CKAP5: variants seen among roughly 807,000 people sequenced by gnomAD.
CKAP5 encodes cytoskeleton associated protein 5.
In CKAP5, 27 loss-of-function variants were observed where a neutral mutation model predicts 232.8. That is an observed-to-expected ratio of 0.12 (90% CI 0.09 to 0.16). CKAP5 has a LOEUF of 0.16. CKAP5 is among the 10% of genes least tolerant of loss of function. CKAP5 has a pLI of 1.00. For missense variants in CKAP5, 1,838 were observed against 2,424.7 expected, an observed-to-expected ratio of 0.76 and a Z score of 5.08; for synonymous variants, 785 against 841.1, an observed-to-expected ratio of 0.93 and a Z score of 1.16.
intron 18 of CKAP5, chr11:46,783,053 T>G (rs1409108010): frequency 3.3e-6 from 1 of 300,380 alleles, no homozygotes; most frequent in Non-Finnish European, 6.1e-6. Flanking sequence ...TATTAATGCT[T>G]AAGGAAAAAT....
chr11:46,845,870 C>A (rs1469293696), intron 1 of CKAP5, among the ~76,000 whole-genome samples: 1 of 152,174 alleles, frequency 6.6e-6, no homozygotes, highest in African/African-American at 2.4e-5. Context: ...TCTAGCAGGG[C>A]CGGCTCTCGG....
At chr11:46,815,576 C>T (rs1002496985) in intron 4 of CKAP5, among the ~76,000 whole-genome samples, 7 of 152,178 alleles carry the variant, frequency 4.6e-5, no homozygotes, top group Admixed American at 4.6e-4. Context: ...GGATTACAGG[C>T]ATGAGCCACT....
chr11:46,843,468 C>A (rs1029577443), intron 1 of CKAP5, among the ~76,000 whole-genome samples: 1 of 150,920 alleles, frequency 6.6e-6, no homozygotes, highest in African/African-American at 2.4e-5. Flanking sequence ...TAGTGGTTCA[C>A]GCCTGTAATC....
chr11:46,780,571 G>T, intron 18 of CKAP5, 86 bp from the exon 19 acceptor site: 1 of 1,036,016 alleles, frequency 9.7e-7, no homozygotes, highest in Non-Finnish European at 1.4e-6. Flanking sequence ...CTCTAGGACT[G>T]GCTCCCTTTG....
At chr11:46,762,934 TG>T in intron 30 of CKAP5, 41 bp downstream of exon 30, 1 of 1,558,702 alleles carries the variant, frequency 6.4e-7, no homozygotes, top group Non-Finnish European at 8.8e-7. Flanking sequence ...TGAGGTCAGC[TG>T]GGAACTTAAG....
intron 1 of CKAP5, among the ~76,000 whole-genome samples, chr11:46,838,835 T>C (rs1032057936): frequency 2.1e-5 from 3 of 143,582 alleles, no homozygotes; most frequent in South Asian, 2.2e-4. Context: ...TGAGCCACCA[T>C]TGTCGCAACA....
intron 31 of CKAP5, 97 bp downstream of exon 31, chr11:46,762,530 T>C (rs760089134): frequency 1.4e-6 from 2 of 1,429,834 alleles, no homozygotes; most frequent in Admixed American, 1.7e-5. Context: ...ATCAACTACA[T>C]AGGCACTGGA....
At position 46,772,560 on chromosome 11, in the gene CKAP5, C is replaced by A. The variant is rs189955452; in HGVS notation, c.2992-1578G>T. 2.8e-3 allele frequency among the ~76,000 whole-genome samples: 421 copies of A among 152,278 alleles called. 2 individuals are homozygous for A. The highest frequency in any genetic ancestry group is 9.6e-3 in the African/African-American group (399 of 41,554). On this transcript the variant is annotated intron_variant, in intron 24 of 43. Transcript: ENST00000529230. ...GAAAAGACTATACTTCCTTCACGGA[C>A]TTATTTTTGTAGCTTTGTAAAAAAT...
chr11:46,760,523 G>A (rs878990724), intron 33 of CKAP5, 89 bp downstream of exon 33: 57 of 1,270,900 alleles, frequency 4.5e-5, no homozygotes, highest in Non-Finnish European at 6.4e-5. Context: ...ATGGCTACAA[G>A]AACTCAAGAT....
intron 18 of CKAP5, among the ~76,000 whole-genome samples, chr11:46,780,825 T>A (rs2065335599): frequency 6.6e-6 from 1 of 152,166 alleles, no homozygotes; most frequent in Non-Finnish European, 1.5e-5. Context: ...GGTTTCACCA[T>A]GTTGGCCAGG....
chr11:46,749,807 C>T (rs1012156728), intron 42 of CKAP5, among the ~76,000 whole-genome samples: 2 of 151,422 alleles, frequency 1.3e-5, no homozygotes, highest in African/African-American at 4.9e-5. Flanking sequence ...AAAAATTAGC[C>T]TGGCGTGGTG....
intron 8 of CKAP5, among the ~76,000 whole-genome samples, chr11:46,807,433 A>G (rs1176260722): frequency 6.6e-6 from 1 of 152,208 alleles, no homozygotes; most frequent in Non-Finnish European, 1.5e-5. Context: ...TGCTATATTC[A>G]TGAAGATGTT....
Position 46,778,442 on chromosome 11 carries a change from TCA to T in CKAP5, c.2573+16_2573+17del, listed in dbSNP as rs1366801614. ...AATACAATGAATGAAATAAACCATT[TCA>T]CAGACTGGAACCTACCTGATCTCCG... On this transcript the variant is annotated intron_variant, in intron 21 of 43. Coordinates refer to ENST00000529230, the MANE Select transcript of CKAP5 (RefSeq NM_001008938.4). 8.1e-6 allele frequency: 13 copies of T among 1,613,750 alleles called. No homozygotes were observed. The South Asian group carries it at 1.4e-4, about 18-fold the overall frequency.
At chr11:46,786,182 T>C (rs1565734819) in intron 16 of CKAP5, among the ~76,000 whole-genome samples, 1 of 152,156 alleles carries the variant, frequency 6.6e-6, no homozygotes, top group African/African-American at 2.4e-5. Flanking sequence ...ATAAGGCTTG[T>C]AACATACAAG....
intron 8 of CKAP5, among the ~76,000 whole-genome samples, chr11:46,804,611 A>T (rs1939111640): frequency 6.6e-6 from 1 of 152,204 alleles, no homozygotes; most frequent in Non-Finnish European, 1.5e-5. Context: ...TTTATCTTTA[A>T]CTAGAAATTA....
At chr11:46,822,755 A>G (rs954184572) in intron 1 of CKAP5, among the ~76,000 whole-genome samples, 2 of 151,644 alleles carry the variant, frequency 1.3e-5, no homozygotes, top group Non-Finnish European at 2.9e-5. Context: ...AAAAAAAAAA[A>G]AAAAAAAAAG....
rs1469822609 is a variant in CKAP5, at chr11:46,770,094, G to T, written c.3191C>A (p.Thr1064Asn). 1 of 1,613,952 alleles carries T rather than the reference G, an allele frequency of 6.2e-7. No homozygotes were observed. Among genetic ancestry groups the T allele is most frequent in the East Asian group, 2.2e-5 (1 of 44,886 alleles). Reference sequence around the variant, plus strand: ...CATGGCCAATACCTGATCTTTAGAAGTTGGCTAGAGAGACAAAATGACATA... The same window carrying T: ...CATGGCCAATACCTGATCTTTAGAATTTGGCTAGAGAGACAAAATGACATA... ...MAKATGKLKP[T>N]SKDQVLAMLE... The change falls in exon 26 of 44, where the codon ACT (threonine) becomes AAT (asparagine). Residue 1064 changes from threonine to asparagine, a missense_variant. By Grantham distance (65) the Thr-to-Asn change is moderately conservative. Transcript: ENST00000529230.
At chr11:46,767,089 T>C (rs1014866290) in intron 27 of CKAP5, among the ~76,000 whole-genome samples, 76 of 152,034 alleles carry the variant, frequency 5.0e-4, no homozygotes, top group Non-Finnish European at 8.1e-4. Context: ...TGGCGAGATA[T>C]TGGCTCACTG....
rs1555160697 is a variant in CKAP5, at chr11:46,752,219, C to CACACACACACACAT, written c.5133+415_5133+416insATGTGTGTGTGTGT. 2.7e-3 allele frequency among the ~76,000 whole-genome samples: 234 copies of CACACACACACACAT among 86,154 alleles called. 13 individuals carry two copies. The highest frequency in any genetic ancestry group is 0.017 in the East Asian group (40 of 2,402). 56.5% of individuals were successfully genotyped at this position (86,154 alleles called of 152,430 possible). A position where few individuals can be genotyped will look rare whatever the true frequency, so the allele number is the denominator to read the frequency against. On this transcript the variant is annotated intron_variant, in intron 38 of 43. Transcript: ENST00000529230. ...ACACACACACACACACACACACACA[C>CACACACACACACAT]ACACACACACACACGTGTATTATAT...
Sources: allele counts gnomAD v4.1 joint callset (sites outside exome capture counted in the v4.1 genomes callset), GRCh38; gene constraint gnomAD v4.1.1; transcripts MANE v1.5; gene names NCBI Gene and HGNC (gene_info 2026-07-23, HGNC 2026-07-21).